Variants in KCNIP4 observed in about 807,000 individuals in gnomAD.
The protein encoded by KCNIP4 is potassium voltage-gated channel interacting protein 4, also known as Kv channel-interacting protein 4.
A neutral mutation model predicts 34.0 loss-of-function variants in KCNIP4; 12 were observed. That is an observed-to-expected ratio of 0.35 (90% confidence interval 0.23 to 0.57). The LOEUF (loss-of-function observed/expected upper bound fraction) is 0.57, where lower values mean the gene tolerates loss of function less well. Among genes scored for constraint, KCNIP4 ranks in the 20% least tolerant of loss-of-function variants. KCNIP4 has a pLI of 0.83. For synonymous variants in KCNIP4, 124 were observed against 102.2 expected (o/e 1.21, Z -1.29); for missense variants, 238 against 311.7 (o/e 0.76, Z 1.78).
At chr4:20,781,948 T>C (rs893711247) in intron 3 of KCNIP4, among the ~76,000 whole-genome samples, 1 of 152,170 alleles carries the variant, frequency 6.6e-6, no homozygotes, top group South Asian at 2.1e-4. Context: ...GCAAGCTAGT[T>C]ACTTCCTAGA....
At chr4:20,759,632 ATTT>A (rs2149359746) in intron 3 of KCNIP4, among the ~76,000 whole-genome samples, 1 of 134,656 alleles carries the variant, frequency 7.4e-6, no homozygotes, top group South Asian at 2.4e-4. Context: ...TGGTTTTGGC[ATTT>A]TTGCTAATAA....
rs1281543089 is a variant in KCNIP4, at chr4:21,556,920, C to CAAAAAAAAAA, written c.61+391650_61+391651insTTTTTTTTTT. On this transcript the variant is annotated intron_variant, in intron 1 of 8. Coordinates refer to ENST00000382152, the MANE Select transcript of KCNIP4 (RefSeq NM_025221.6). ...TGATCAACAAAGCAAGACTCCATCTCAGAAAAAAAAAAAAAAAAAAAAACC... is the reference window on the plus strand; with the variant it reads ...TGATCAACAAAGCAAGACTCCATCTCAAAAAAAAAAAGAAAAAAAAAAAAAAAAAAAAACC... Among the ~76,000 whole-genome samples the CAAAAAAAAAA allele has an allele frequency of 1.3e-3, 48 of 35,608 alleles. 6 individuals carry two copies. The highest frequency in any genetic ancestry group is 4.2e-3 in the African/African-American group (40 of 9,602). The allele number at this position is 35,608 out of a possible 152,430, so 23.4% of individuals were successfully genotyped here.
intron 1 of KCNIP4, among the ~76,000 whole-genome samples, chr4:21,884,360 G>A (rs1726638219): frequency 6.6e-6 from 1 of 152,022 alleles, no homozygotes; most frequent in Non-Finnish European, 1.5e-5. Context: ...CTCAGGAGGA[G>A]CACTTCCAGA....
chr4:21,155,569 G>C (rs16870493), intron 1 of KCNIP4, among the ~76,000 whole-genome samples: 23,954 of 152,078 alleles, frequency 0.16, 1,975 homozygotes, highest in Middle Eastern at 0.22. Context: ...AGTTAATAAA[G>C]AGCTATTGGA....
intron 1 of KCNIP4, among the ~76,000 whole-genome samples, chr4:21,084,950 A>G (rs1746291716): frequency 6.7e-6 from 1 of 149,968 alleles, no homozygotes; most frequent in Non-Finnish European, 1.5e-5. Flanking sequence ...TATAGATCCC[A>G]TATTATACAC....
intron 1 of KCNIP4, among the ~76,000 whole-genome samples, chr4:21,598,991 G>C (rs1742876839): frequency 6.6e-6 from 1 of 152,084 alleles, no homozygotes; most frequent in Admixed American, 6.6e-5. Context: ...AATTTATGAA[G>C]TTGATGCATT....
chr4:20,949,256 T>C (rs4395501), intron 1 of KCNIP4, among the ~76,000 whole-genome samples: 115,519 of 152,164 alleles, frequency 0.76, 44,043 homozygotes, highest in East Asian at 0.84. Context: ...CTTGAAACTC[T>C]TGAATAAAAT....
At chr4:21,505,177 G>C (rs559255293) in intron 1 of KCNIP4, among the ~76,000 whole-genome samples, 1 of 151,810 alleles carries the variant, frequency 6.6e-6, no homozygotes, top group African/African-American at 2.4e-5. Flanking sequence ...TTAAAGTTTA[G>C]AGAGACATGT....
chr4:21,763,034 T>C lies in KCNIP4; in HGVS notation c.61+185537A>G, dbSNP rs904279769. ...ACAGCGAATGCTCAATAACCGCTTCTAGATTGAATGGACATATGCACAGTT... is the reference window on the plus strand; with the variant it reads ...ACAGCGAATGCTCAATAACCGCTTCCAGATTGAATGGACATATGCACAGTT... On this transcript the variant is annotated intron_variant, in intron 1 of 8. Coordinates refer to ENST00000382152, the MANE Select transcript of KCNIP4 (RefSeq NM_025221.6). The C allele has an allele frequency of 6.2e-6, 8 of 1,288,918 alleles. No homozygotes were observed. In the African/African-American group the frequency reaches 9.1e-5, roughly 15 times the overall value. The allele number at this position is 1,288,918 out of a possible 1,614,324, so 79.8% of individuals were successfully genotyped here. A position where few individuals can be genotyped will look rare whatever the true frequency, so the allele number is the denominator to read the frequency against.
At chr4:21,550,948 C>T (rs573432026) in intron 1 of KCNIP4, among the ~76,000 whole-genome samples, 3 of 152,142 alleles carry the variant, frequency 2.0e-5, no homozygotes, top group South Asian at 2.1e-4. Flanking sequence ...TCCTTTAAAA[C>T]GCTTTAGAGG....
At chr4:21,634,028 A>C (rs1745941899) in intron 1 of KCNIP4, among the ~76,000 whole-genome samples, 1 of 152,016 alleles carries the variant, frequency 6.6e-6, no homozygotes, top group Admixed American at 6.6e-5. Context: ...AAAGAAGATG[A>C]AAAGAGAAAT....
chr4:21,905,924 A>C (rs1246815498), intron 1 of KCNIP4, among the ~76,000 whole-genome samples: 3 of 152,160 alleles, frequency 2.0e-5, no homozygotes, highest in African/African-American at 4.8e-5. Context: ...GTAATGTCCC[A>C]ATAGATCCCA....
At chr4:21,268,845 T>C (rs1190986086) in intron 1 of KCNIP4, among the ~76,000 whole-genome samples, 1 of 152,242 alleles carries the variant, frequency 6.6e-6, no homozygotes, top group Non-Finnish European at 1.5e-5. Context: ...TGGGCAAAAC[T>C]ATGGCTAAAG....
At chr4:21,874,867 T>C (rs981520927) in intron 1 of KCNIP4, among the ~76,000 whole-genome samples, 4 of 152,172 alleles carry the variant, frequency 2.6e-5, no homozygotes, top group Non-Finnish European at 5.9e-5. Flanking sequence ...TGATTGTATT[T>C]CTCTGAAACA....
rs768849104 is a variant in KCNIP4, at chr4:20,754,288, C to T, written c.358+4533G>A. Reference sequence around the variant, plus strand: ...GCAATAGAGAAAGCTAACAGCCTGACACAATACAAATTGCAGAGAGTTCTG... The same window carrying T: ...GCAATAGAGAAAGCTAACAGCCTGATACAATACAAATTGCAGAGAGTTCTG... On this transcript the variant is annotated intron_variant, in intron 4 of 8. Coordinates refer to ENST00000382152, the MANE Select transcript of KCNIP4 (RefSeq NM_025221.6). Among the ~76,000 whole-genome samples, 3 of 152,136 alleles carry T rather than the reference C, an allele frequency of 2.0e-5. 1 individual carries two copies. Among genetic ancestry groups the T allele is most frequent in the Non-Finnish European group, 4.4e-5 (3 of 68,024 alleles).
intron 1 of KCNIP4, among the ~76,000 whole-genome samples, chr4:21,714,785 G>GACTATTTTATTTTATTTTTTTT (rs939238600): frequency 2.3e-5 from 1 of 43,388 alleles, no homozygotes; most frequent in African/African-American, 2.0e-4. Context: ...ATTTCCCTTT[G>GACTATTTTATTTTATTTTTTTT]ATTATTTTAT....
chr4:21,455,690 T>A (rs1728865744), intron 1 of KCNIP4, among the ~76,000 whole-genome samples: 1 of 149,858 alleles, frequency 6.7e-6, no homozygotes, highest in African/African-American at 2.4e-5. Context: ...TCAACCAAGT[T>A]TCTATCTACA....
At chr4:21,112,260 A>T (rs541976692) in intron 1 of KCNIP4, among the ~76,000 whole-genome samples, 1 of 152,276 alleles carries the variant, frequency 6.6e-6, no homozygotes, top group East Asian at 1.9e-4. Context: ...TATCTTCAGG[A>T]TCTATCTAGC....
At chr4:20,954,186 T>C (rs1733070520) in intron 1 of KCNIP4, among the ~76,000 whole-genome samples, 1 of 152,142 alleles carries the variant, frequency 6.6e-6, no homozygotes, top group Admixed American at 6.5e-5. Context: ...AAGCTCAAAG[T>C]AATAAACAGA....
Sources: gnomAD v4.1 joint callset for allele counts (sites outside exome capture counted in the v4.1 genomes callset) on GRCh38, gnomAD v4.1.1 for gene constraint, MANE v1.5 for transcripts, NCBI Gene and HGNC (gene_info 2026-07-23, HGNC 2026-07-21) for gene names.